Variants in ADAM19 observed in about 807,000 individuals in gnomAD.
ADAM19 encodes ADAM metallopeptidase domain 19.
A neutral mutation model predicts 114.7 loss-of-function variants in ADAM19; 65 were observed. The observed-to-expected ratio is 0.57, with a 90% confidence interval of 0.46 to 0.70. ADAM19 has a LOEUF of 0.70. Among genes scored for constraint, ADAM19 ranks in the 30% least tolerant of loss-of-function variants. ADAM19 has a pLI of 0.00. For synonymous variants in ADAM19, 466 were observed against 460.5 expected (o/e 1.01, Z -0.15); for missense variants, 1,063 against 1,204.7 (o/e 0.88, Z 1.74).
chr5:157,551,037 TGCA>T (rs952621300), intron 3 of ADAM19, among the ~76,000 whole-genome samples: 91 of 152,312 alleles, frequency 6.0e-4, no homozygotes, highest in African/African-American at 2.1e-3. Flanking sequence ...GAAAACCATA[TGCA>T]GAAGAATAAA....
chr5:157,512,132 G>A (rs141833371), intron 8 of ADAM19, among the ~76,000 whole-genome samples: 2 of 152,316 alleles, frequency 1.3e-5, no homozygotes, highest in East Asian at 3.9e-4. Flanking sequence ...TCTTGAGTGA[G>A]TCAGGAGCTA....
At chr5:157,564,042 G>A (rs1427553274) in intron 3 of ADAM19, among the ~76,000 whole-genome samples, 3 of 152,136 alleles carry the variant, frequency 2.0e-5, no homozygotes, top group Admixed American at 6.5e-5. Flanking sequence ...CTAGGCTGGC[G>A]CTAGTAAGGC....
chr5:157,484,528 C>T (rs1263991797), intron 21 of ADAM19, among the ~76,000 whole-genome samples: 1 of 152,194 alleles, frequency 6.6e-6, no homozygotes, highest in Non-Finnish European at 1.5e-5. Flanking sequence ...TCCTTCCCTT[C>T]TCGAGAGGGT....
rs1325563337 is a variant in ADAM19 at position 157,489,089 on chromosome 5, G to C, written c.2325+13C>G. The C allele has an allele frequency of 1.2e-6, 2 of 1,611,216 alleles. No homozygotes were observed. The highest frequency in any genetic ancestry group is 1.7e-5 in the Admixed American group (1 of 59,972). On this transcript the variant is annotated intron_variant, in intron 20 of 22. Coordinates refer to ENST00000257527, the MANE Select transcript of ADAM19 (RefSeq NM_033274.5). ...AGGAAAAGTAGCAAAGTTCAGTGGT[G>C]CAAAGCTCTTACCTTTCGCTTGCCC...
At chr5:157,481,573 C>T in intron 22 of ADAM19, 1 of 1,502,754 alleles carries the variant, frequency 6.7e-7, no homozygotes, top group Non-Finnish European at 8.9e-7. Flanking sequence ...ACTGAAGCCA[C>T]CACAGCTCAG....
chr5:157,525,423 G>A (rs1046564420), intron 5 of ADAM19, among the ~76,000 whole-genome samples: 1 of 152,098 alleles, frequency 6.6e-6, no homozygotes, highest in African/African-American at 2.4e-5. Context: ...TTAATGGTCT[G>A]GTCTACTCTT....
chr5:157,483,157 T>C lies in ADAM19; in HGVS notation c.2551-1214A>G, dbSNP rs566798278. Among the ~76,000 whole-genome samples the C allele has an allele frequency of 2.3e-3, 356 of 152,224 alleles. 2 individuals are homozygous for C. The highest frequency in any genetic ancestry group is 8.4e-3 in the African/African-American group (347 of 41,526). On this transcript the variant is annotated intron_variant, in intron 21 of 22. Coordinates refer to ENST00000257527, the MANE Select transcript of ADAM19 (RefSeq NM_033274.5). The stretch of plus-strand genomic sequence containing the variant: ...TAAACCACCATGGCATGTGTATACC[T>C]ATGTAACAAATCTGCACATTCTGCA...
At position 157,479,912 on chromosome 5, in the gene ADAM19, C is replaced by T. The variant is rs1754693588; in HGVS notation, c.*1037G>A. 2.0e-6 allele frequency: 2 copies of T among 985,780 alleles called. No homozygotes were observed. Among genetic ancestry groups the T allele is most frequent in the African/African-American group, 1.7e-5 (1 of 57,238 alleles). 61.1% of individuals were successfully genotyped at this position (985,780 alleles called of 1,614,324 possible). A position where few individuals can be genotyped will look rare whatever the true frequency, so the allele number is the denominator to read the frequency against. Reference sequence around the variant, plus strand: ...ATTTAGCTTAGAGTAAGGAGGAAGACCCCCACCCTGCTGAGGTCACAAAAC... The same window carrying T: ...ATTTAGCTTAGAGTAAGGAGGAAGATCCCCACCCTGCTGAGGTCACAAAAC... On this transcript the variant is annotated 3_prime_UTR_variant, in exon 23 of 23. Coordinates refer to ENST00000257527, the MANE Select transcript of ADAM19 (RefSeq NM_033274.5).
intron 4 of ADAM19, among the ~76,000 whole-genome samples, chr5:157,532,128 G>C (rs1270103714): frequency 6.6e-6 from 1 of 152,150 alleles, no homozygotes; most frequent in African/African-American, 2.4e-5. Context: ...TGCCCGTGAG[G>C]TCTGCTGCTG....
At chr5:157,491,130 AT>A (rs150437488) in intron 18 of ADAM19, among the ~76,000 whole-genome samples, 2 of 150,876 alleles carry the variant, frequency 1.3e-5, no homozygotes, top group African/African-American at 4.9e-5. Context: ...GTTATTTGCT[AT>A]TTTTTTTAAA....
intron 5 of ADAM19, among the ~76,000 whole-genome samples, chr5:157,522,006 C>T (rs904731098): frequency 2.0e-5 from 3 of 152,142 alleles, no homozygotes; most frequent in Non-Finnish European, 4.4e-5. Flanking sequence ...GTTCACAAGG[C>T]GCAACTGATC....
chr5:157,479,847 T>C lies in ADAM19; in HGVS notation c.*1102A>G. The C allele has an allele frequency of 1.0e-6, 1 of 985,576 alleles. No individual in the cohort carries two copies. Among genetic ancestry groups the C allele is most frequent in the Non-Finnish European group, 1.2e-6 (1 of 829,994 alleles). 61.1% of individuals were successfully genotyped at this position (985,576 alleles called of 1,614,324 possible). On this transcript the variant is annotated 3_prime_UTR_variant, in exon 23 of 23. Transcript: ENST00000257527. ...ACCAGCCTGCTCCCTCGTGTGTACT[T>C]TGTAAATAGCTGGGCTCCCTAAGGG... is the stretch of plus-strand genomic sequence containing the variant.
At chr5:157,490,169 CA>C in intron 19 of ADAM19, 140 bp downstream of exon 19, 2 of 863,260 alleles carry the variant, frequency 2.3e-6, no homozygotes, top group South Asian at 3.4e-5. Flanking sequence ...ACAGTCATAG[CA>C]GGGGAGAGGG....
At chr5:157,529,570 T>C (rs1302043218) in intron 5 of ADAM19, among the ~76,000 whole-genome samples, 2 of 152,190 alleles carry the variant, frequency 1.3e-5, no homozygotes, top group South Asian at 2.1e-4. Context: ...GCGTGGAACC[T>C]GAGATGCTGC....
intron 5 of ADAM19, among the ~76,000 whole-genome samples, chr5:157,521,736 G>A (rs1302438923): frequency 6.6e-6 from 1 of 152,144 alleles, no homozygotes; most frequent in Non-Finnish European, 1.5e-5. Flanking sequence ...AGCAAGGGTC[G>A]CATCCACTCC....
intron 1 of ADAM19, among the ~76,000 whole-genome samples, chr5:157,574,183 T>G (rs1247967244): frequency 6.6e-6 from 1 of 152,106 alleles, no homozygotes; most frequent in African/African-American, 2.4e-5. Flanking sequence ...AAACAAAATA[T>G]CAACAGCAAC....
At chr5:157,487,906 G>C (rs1354122500) in intron 21 of ADAM19, among the ~76,000 whole-genome samples, 1 of 152,146 alleles carries the variant, frequency 6.6e-6, no homozygotes, top group Non-Finnish European at 1.5e-5. Flanking sequence ...GCAGGAGGTG[G>C]CCCCACCAAG....
chr5:157,506,315 A>C (rs557491733), intron 10 of ADAM19, among the ~76,000 whole-genome samples: 1 of 152,238 alleles, frequency 6.6e-6, no homozygotes, highest in South Asian at 2.1e-4. Flanking sequence ...AGCAGGAAAG[A>C]AGCAGCAGAA....
rs72337429 is a variant in ADAM19 at position 157,573,741 on chromosome 5, G to GAA, written c.94+1860_94+1861dup. 4.7e-4 allele frequency among the ~76,000 whole-genome samples: 60 copies of GAA among 128,800 alleles called. 1 individual carries two copies. Among genetic ancestry groups the GAA allele is most frequent in the African/African-American group, 7.8e-4 (28 of 35,968 alleles). 84.5% of individuals were successfully genotyped at this position (128,800 alleles called of 152,430 possible). On this transcript the variant is annotated intron_variant, in intron 1 of 22. Coordinates refer to ENST00000257527, the MANE Select transcript of ADAM19 (RefSeq NM_033274.5). ...AGCCTGGGCAACAGATAGAGACTCT[G>GAA]AAAAAAAAAAAAAGAAAGAAAAGAA...
Sources: gnomAD v4.1 joint callset for allele counts (sites outside exome capture counted in the v4.1 genomes callset) on GRCh38, gnomAD v4.1.1 for gene constraint, MANE v1.5 for transcripts, NCBI Gene and HGNC (gene_info 2026-07-23, HGNC 2026-07-21) for gene names.